Variants in BMPR1A observed in about 807,000 individuals in gnomAD.
BMPR1A encodes bone morphogenetic protein receptor type 1A.
A neutral mutation model predicts 66.0 loss-of-function variants in BMPR1A; 7 were observed. The observed-to-expected ratio is 0.11, with a 90% confidence interval of 0.06 to 0.20. The LOEUF is 0.20. Among genes scored for constraint, BMPR1A ranks in the 10% least tolerant of loss-of-function variants. The pLI is 1.00. For synonymous variants in BMPR1A, 200 were observed against 229.7 expected (o/e 0.87, Z 1.17); for missense variants, 408 against 669.1 (o/e 0.61, Z 4.31).
chr10:86,862,596 A>G (rs11202232), intron 2 of BMPR1A, among the ~76,000 whole-genome samples: 22,558 of 152,136 alleles, frequency 0.15, 2,689 homozygotes, highest in East Asian at 0.67. Context: ...TCAGCAATCC[A>G]GGCAAAGGGG....
chr10:86,790,173 AAAAAAAAAAAAAAAAATAT>A lies in BMPR1A; in HGVS notation c.-268+33256_-268+33274del, dbSNP rs1342006256. 9.8e-4 allele frequency among the ~76,000 whole-genome samples: 37 copies of A among 37,884 alleles called. 5 individuals carry two copies. The highest frequency in any genetic ancestry group is 9.1e-4 in the Non-Finnish European group (21 of 23,204). 24.9% of individuals were successfully genotyped at this position (37,884 alleles called of 152,430 possible). A position where few individuals can be genotyped will look rare whatever the true frequency, so the allele number is the denominator to read the frequency against. On this transcript the variant is annotated intron_variant, in intron 1 of 12. Coordinates refer to ENST00000372037, the MANE Select transcript of BMPR1A (RefSeq NM_004329.3). The stretch of plus-strand genomic sequence containing the variant: ...CGAGACTCTGTCTCCAAAAAAAAAA[AAAAAAAAAAAAAAAAATAT>A]ATATATATATATATATATATATATA...
chr10:86,877,881 C>T (rs1038362641), intron 3 of BMPR1A, among the ~76,000 whole-genome samples: 13 of 152,126 alleles, frequency 8.5e-5, no homozygotes, highest in Non-Finnish European at 1.9e-4. Flanking sequence ...TCTCAGTCTT[C>T]GCCCCAGTTC....
At chr10:86,824,104 TG>T in intron 1 of BMPR1A, among the ~76,000 whole-genome samples, 1 of 151,526 alleles carries the variant, frequency 6.6e-6, no homozygotes, top group East Asian at 1.9e-4. Flanking sequence ...TGTGTGTGTG[TG>T]TGTGTGTTTC....
intron 8 of BMPR1A, among the ~76,000 whole-genome samples, chr10:86,915,992 T>C (rs1203844128): frequency 2.6e-5 from 4 of 152,154 alleles, no homozygotes; most frequent in Non-Finnish European, 5.9e-5. Flanking sequence ...TTCAAGCAAA[T>C]ATATATGTAA....
chr10:86,822,052 T>G (rs1181200001), intron 1 of BMPR1A, among the ~76,000 whole-genome samples: 1 of 152,174 alleles, frequency 6.6e-6, no homozygotes, highest in Non-Finnish European at 1.5e-5. Flanking sequence ...GGTCTCGAAC[T>G]CGTGGGCTCA....
chr10:86,827,155 A>C (rs972231832), intron 1 of BMPR1A, among the ~76,000 whole-genome samples: 2 of 152,064 alleles, frequency 1.3e-5, no homozygotes. Context: ...CCATCCTCCT[A>C]AATTTGATGT....
chr10:86,784,854 C>G (rs1370670137), intron 1 of BMPR1A, among the ~76,000 whole-genome samples: 1 of 151,838 alleles, frequency 6.6e-6, no homozygotes, highest in Admixed American at 6.6e-5. Context: ...GTAATGTCCC[C>G]TCTTTCATTT....
At chr10:86,914,758 G>A (rs758497528) in intron 8 of BMPR1A, among the ~76,000 whole-genome samples, 4 of 152,138 alleles carry the variant, frequency 2.6e-5, no homozygotes, top group Non-Finnish European at 4.4e-5. Context: ...ATTGCTGGTT[G>A]GAATGCAAAA....
chr10:86,790,990 T>A (rs34999209), intron 1 of BMPR1A, among the ~76,000 whole-genome samples: 29,706 of 152,208 alleles, frequency 0.2, 3,957 homozygotes, highest in East Asian at 0.63. Context: ...AATCCTTTCA[T>A]GGTTTTTCAG....
At chr10:86,778,720 G>T (rs1009623447) in intron 1 of BMPR1A, among the ~76,000 whole-genome samples, 2 of 151,788 alleles carry the variant, frequency 1.3e-5, no homozygotes, top group Admixed American at 6.6e-5. Flanking sequence ...CTGTAATTTT[G>T]TATCCTTTAA....
At position 86,917,235 on chromosome 10, in the gene BMPR1A, G is replaced by A. The variant is rs56108371; in HGVS notation, c.777G>A (p.Ala259=). 1,538 of 1,613,860 alleles carry A rather than the reference G, an allele frequency of 9.5e-4. 17 individuals carry two copies. In the East Asian group the frequency reaches 0.019, roughly 19 times the overall value. ...GCAAATGGCGTGGCGAAAAAGTGGC[G>A]GTGAAAGTATTCTTTACCACTGAAG... ...WMGKWRGEKV[A]VKVFFTTEEA... Residue 259 remains alanine (A), a synonymous_variant, in exon 9 of 13, where the codon GCG becomes GCA. Transcript: ENST00000372037.
At chr10:86,853,117 T>C (rs1162604393) in intron 2 of BMPR1A, among the ~76,000 whole-genome samples, 3 of 152,128 alleles carry the variant, frequency 2.0e-5, no homozygotes, top group Non-Finnish European at 2.9e-5. Flanking sequence ...TTTATACCAA[T>C]AAATTTTACA....
At chr10:86,828,773 A>C (rs892676039) in intron 1 of BMPR1A, among the ~76,000 whole-genome samples, 10 of 137,264 alleles carry the variant, frequency 7.3e-5, no homozygotes, top group African/African-American at 2.7e-4. Flanking sequence ...ATAATTTCTC[A>C]AAAGCTCTGT....
chr10:86,883,406 C>T (rs956889986), intron 3 of BMPR1A, among the ~76,000 whole-genome samples: 8 of 152,002 alleles, frequency 5.3e-5, no homozygotes, highest in East Asian at 1.9e-4. Flanking sequence ...AAAAATTAGC[C>T]GGGCGTGGTG....
intron 3 of BMPR1A, among the ~76,000 whole-genome samples, chr10:86,886,819 A>C (rs1162124676): frequency 8.1e-6 from 1 of 123,072 alleles, no homozygotes; most frequent in Non-Finnish European, 1.7e-5. Flanking sequence ...ACACCTCCGT[A>C]TTTTGTCACT....
intron 2 of BMPR1A, among the ~76,000 whole-genome samples, chr10:86,841,308 ATATT>A (rs1262549280): frequency 1.3e-5 from 2 of 152,224 alleles, no homozygotes; most frequent in African/African-American, 4.8e-5. Flanking sequence ...TTGAAAAGAT[ATATT>A]TGATTATTCC....
rs866489443 is a variant in BMPR1A at position 86,855,399 on chromosome 10, G to A, written c.-153+16420G>A. On this transcript the variant is annotated intron_variant, in intron 2 of 12. Coordinates refer to ENST00000372037, the MANE Select transcript of BMPR1A (RefSeq NM_004329.3). ...CTGACTTAGAAACTTGGTTTGATTT[G>A]GCAAATTTTCTGTTAAAATGCTCCA... The A allele has an allele frequency of 7.3e-5, 58 of 795,442 alleles. No homozygotes were observed. The African/African-American group carries it at 9.5e-4, about 13-fold the overall frequency. The allele number at this position is 795,442 out of a possible 1,614,324, so 49.3% of individuals were successfully genotyped here.
At chr10:86,884,814 C>T (rs1023389163) in intron 3 of BMPR1A, among the ~76,000 whole-genome samples, 1 of 152,042 alleles carries the variant, frequency 6.6e-6, no homozygotes, top group African/African-American at 2.4e-5. Flanking sequence ...CAGTATGTGT[C>T]GGACATGTGT....
chr10:86,805,377 T>TACACACACACACGC (rs1554880396), intron 1 of BMPR1A, among the ~76,000 whole-genome samples: 1 of 142,984 alleles, frequency 7.0e-6, no homozygotes, highest in East Asian at 2.1e-4. Context: ...CTCCTACCTG[T>TACACACACACACGC]ACACACACAC....
Sources: gnomAD v4.1 joint callset for allele counts (sites outside exome capture counted in the v4.1 genomes callset) on GRCh38, gnomAD v4.1.1 for gene constraint, MANE v1.5 for transcripts, NCBI Gene and HGNC (gene_info 2026-07-23, HGNC 2026-07-21) for gene names.